The following PHF20 variants were observed in gnomAD, a reference collection of about 807,000 sequenced individuals.
PHF20 encodes the protein glioma-expressed antigen 2.
In PHF20, 23 loss-of-function variants were observed where a neutral mutation model predicts 113.5. The observed-to-expected ratio is 0.20, with a 90% CI of 0.15 to 0.29. PHF20 has a LOEUF of 0.29. Ranked by LOEUF, PHF20 falls within the 10% of genes least tolerant of loss-of-function variation. PHF20 has a pLI of 1.00. For synonymous variants in PHF20, 434 were observed against 457.3 expected, an observed-to-expected ratio of 0.95 and a Z score of 0.65; for missense variants, 943 against 1,219.6, an observed-to-expected ratio of 0.77 and a Z score of 3.38.
Position 35,847,173 on chromosome 20 carries a change from G to A in PHF20, c.256-177G>A, listed in dbSNP as rs76321695. Among the ~76,000 whole-genome samples, 300 of 152,176 alleles carry A rather than the reference G, an allele frequency of 2.0e-3. 2 individuals carry two copies. Among genetic ancestry groups the A allele is most frequent in the Middle Eastern group, 0.017 (5 of 294 alleles). Reference sequence around the variant, plus strand: ...ACTTTTGGTGAGGACAAATGACACCGAAATTATAGCAACTCCTAGTGTTGA... The same window carrying A: ...ACTTTTGGTGAGGACAAATGACACCAAAATTATAGCAACTCCTAGTGTTGA... On this transcript the variant is annotated intron_variant, in intron 3 of 17. Transcript: ENST00000374012.
intron 2 of PHF20, among the ~76,000 whole-genome samples, chr20:35,824,489 C>T (rs1230143463): frequency 6.6e-6 from 1 of 151,760 alleles, no homozygotes; most frequent in Non-Finnish European, 1.5e-5. Flanking sequence ...TGCCTGTAGT[C>T]CCAGCTACTC....
chr20:35,926,404 AT>A (rs1227490924), intron 13 of PHF20, among the ~76,000 whole-genome samples: 2 of 150,750 alleles, frequency 1.3e-5, no homozygotes, highest in African/African-American at 2.4e-5. Context: ...CGCCCGGCTA[AT>A]TTTTTTTGTA....
chr20:35,883,381 G>A (rs2054669168), intron 9 of PHF20, among the ~76,000 whole-genome samples: 1 of 152,154 alleles, frequency 6.6e-6, no homozygotes, highest in Non-Finnish European at 1.5e-5. Context: ...GCATGAAGGA[G>A]TGAGTTAGCT....
At chr20:35,889,520 C>T (rs1312354959) in intron 9 of PHF20, among the ~76,000 whole-genome samples, 1 of 151,678 alleles carries the variant, frequency 6.6e-6, no homozygotes, top group Non-Finnish European at 1.5e-5. Flanking sequence ...CACCACCACG[C>T]CCGGATAAAT....
At chr20:35,912,699 G>A (rs1242573527) in intron 10 of PHF20, among the ~76,000 whole-genome samples, 1 of 152,130 alleles carries the variant, frequency 6.6e-6, no homozygotes, top group African/African-American at 2.4e-5. Context: ...AGGTGTGGTG[G>A]CGTGTGTCTG....
chr20:35,809,594 G>A (rs936246214), intron 2 of PHF20, among the ~76,000 whole-genome samples: 2 of 147,806 alleles, frequency 1.4e-5, no homozygotes, highest in Non-Finnish European at 3.0e-5. Flanking sequence ...AAAAAAAAAA[G>A]ATAATCCAGC....
chr20:35,927,966 C>A, intron 14 of PHF20, 87 bp downstream of exon 14: 2 of 925,728 alleles, frequency 2.2e-6, no homozygotes, highest in South Asian at 1.3e-5. Context: ...TGTCTGCGGT[C>A]TTGAGACTCA....
At chr20:35,932,980 C>T (rs566276711) in intron 15 of PHF20, among the ~76,000 whole-genome samples, 71 of 152,268 alleles carry the variant, frequency 4.7e-4, no homozygotes, top group African/African-American at 1.6e-3. Context: ...TTTCACTTAG[C>T]ATAGTGTCCT....
intron 1 of PHF20, among the ~76,000 whole-genome samples, chr20:35,796,481 C>A (rs144750874): frequency 1.1e-4 from 17 of 152,136 alleles, no homozygotes; most frequent in African/African-American, 3.6e-4. Flanking sequence ...ATAAGCAGTT[C>A]CACAGGTTGT....
intron 1 of PHF20, among the ~76,000 whole-genome samples, chr20:35,791,876 G>A (rs2041563432): frequency 6.6e-6 from 1 of 152,062 alleles, no homozygotes; most frequent in Non-Finnish European, 1.5e-5. Context: ...CAATCTTGAG[G>A]GCTTATTTGA....
chr20:35,901,291 T>G (rs1356519991), intron 10 of PHF20, among the ~76,000 whole-genome samples: 1 of 151,822 alleles, frequency 6.6e-6, no homozygotes, highest in Non-Finnish European at 1.5e-5. Flanking sequence ...GGCAGGTGCC[T>G]GTAATCCCAG....
At chr20:35,821,755 G>T (rs1435248276) in intron 2 of PHF20, among the ~76,000 whole-genome samples, 1 of 152,196 alleles carries the variant, frequency 6.6e-6, no homozygotes, top group African/African-American at 2.4e-5. Flanking sequence ...ATTAGTCCAT[G>T]TGAAAGATGA....
intron 9 of PHF20, among the ~76,000 whole-genome samples, chr20:35,875,720 A>C (rs1229299572): frequency 6.6e-6 from 1 of 152,196 alleles, no homozygotes; most frequent in Admixed American, 6.6e-5. Context: ...GTGACTCAGC[A>C]GACTAAGCTT....
intron 2 of PHF20, among the ~76,000 whole-genome samples, chr20:35,837,202 C>T (rs1174966925): frequency 6.6e-6 from 1 of 151,268 alleles, no homozygotes; most frequent in African/African-American, 2.4e-5. Flanking sequence ...AAAACAAAAA[C>T]AAAAAAAACA....
intron 2 of PHF20, among the ~76,000 whole-genome samples, chr20:35,818,036 C>T (rs2042107045): frequency 6.6e-6 from 1 of 151,938 alleles, no homozygotes; most frequent in Admixed American, 6.6e-5. Context: ...GTAATCCCAG[C>T]ACTTTAGGAG....
chr20:35,805,335 A>G (rs1336621069), intron 2 of PHF20, among the ~76,000 whole-genome samples: 1 of 150,374 alleles, frequency 6.7e-6, no homozygotes, highest in Non-Finnish European at 1.5e-5. Flanking sequence ...CCACAGGCAC[A>G]TGCCACCACG....
chr20:35,815,265 G>A (rs1485176871), intron 2 of PHF20, among the ~76,000 whole-genome samples: 1 of 151,808 alleles, frequency 6.6e-6, no homozygotes, highest in Non-Finnish European at 1.5e-5. Context: ...AATATGCATG[G>A]TGTAACTATG....
chr20:35,866,272 C>T (rs1196942289), intron 6 of PHF20, among the ~76,000 whole-genome samples: 2 of 152,134 alleles, frequency 1.3e-5, no homozygotes, highest in Non-Finnish European at 2.9e-5. Flanking sequence ...TAGTATATTT[C>T]TGTTGGACAG....
chr20:35,795,188 C>CT (rs2041642007), intron 1 of PHF20, among the ~76,000 whole-genome samples: 1 of 133,226 alleles, frequency 7.5e-6, no homozygotes, highest in Non-Finnish European at 1.6e-5. Flanking sequence ...GAGACTCTGT[C>CT]TTAAAAAAAA....
Sources: allele counts gnomAD v4.1 joint callset (sites outside exome capture counted in the v4.1 genomes callset), GRCh38; gene constraint gnomAD v4.1.1; transcripts MANE v1.5; gene names NCBI Gene and HGNC (gene_info 2026-07-23, HGNC 2026-07-21).